The following CACNB2 variants were observed in gnomAD, a reference collection of about 807,000 sequenced individuals.
CACNB2 encodes voltage-dependent L-type calcium channel subunit beta-2.
Under a neutral mutation model 73.3 loss-of-function variants are expected in CACNB2, and 42 were observed. The observed-to-expected ratio is 0.57, with a 90% CI of 0.45 to 0.74. CACNB2 has a LOEUF of 0.74. Among genes scored for constraint, CACNB2 ranks in the 30% least tolerant of loss-of-function variants. CACNB2 has a pLI of 0.00. For synonymous variants in CACNB2, 348 were observed against 310.3 expected (o/e 1.12, Z -1.28); for missense variants, 940 against 853.0 (o/e 1.10, Z -1.27).
intron 1 of CACNB2, among the ~76,000 whole-genome samples, chr10:18,145,199 C>T (rs1001634155): frequency 6.6e-6 from 1 of 152,226 alleles, no homozygotes; most frequent in Non-Finnish European, 1.5e-5. Context: ...TGGCAACATC[C>T]TGAATGGCTG....
Position 18,536,183 on chromosome 10 carries a change from C to A in CACNB2, c.1289C>A (p.Ala430Asp). ...NVQMVAADKLAQCPPELFDVI... is the reference protein window; with the variant it reads ...NVQMVAADKLDQCPPELFDVI... Reference sequence around the variant, plus strand: ...CAGATGGTAGCAGCTGATAAACTGGCTCAGTGTCCTCCAGTAAGTTATCTC... The same window carrying A: ...CAGATGGTAGCAGCTGATAAACTGGATCAGTGTCCTCCAGTAAGTTATCTC... Residue 430 changes from alanine (A) to aspartate (D), a missense_variant, in exon 12 of 14, where the codon GCT (alanine) becomes GAT (aspartate). Transcript: ENST00000324631. 6.3e-7 allele frequency: 1 copy of A among 1,578,116 alleles called. No homozygotes were observed. Among genetic ancestry groups the A allele is most frequent in the African/African-American group, 1.4e-5 (1 of 72,698 alleles).
At chr10:18,186,956 A>G (rs968264650) in intron 2 of CACNB2, among the ~76,000 whole-genome samples, 2 of 152,204 alleles carry the variant, frequency 1.3e-5, no homozygotes, top group Non-Finnish European at 2.9e-5. Context: ...ATCTGCTTCC[A>G]TGGAGCTTAT....
At chr10:18,341,107 C>T in intron 2 of CACNB2, 1 of 951,446 alleles carries the variant, frequency 1.1e-6, no homozygotes, top group South Asian at 1.3e-5. Flanking sequence ...TCTTATCTTG[C>T]CAGAAATGTT....
intron 9 of CACNB2, among the ~76,000 whole-genome samples, chr10:18,522,564 A>G (rs1359505875): frequency 2.0e-5 from 3 of 152,152 alleles, no homozygotes; most frequent in Admixed American, 6.5e-5. Flanking sequence ...AAAGTTTTAT[A>G]GGAGGACAAG....
At chr10:18,211,553 TA>T (rs2035317093) in intron 2 of CACNB2, among the ~76,000 whole-genome samples, 1 of 152,238 alleles carries the variant, frequency 6.6e-6, no homozygotes, top group South Asian at 2.1e-4. Context: ...TTAAATTTCT[TA>T]AACCAGTTCT....
chr10:18,389,246 C>T (rs1234369224), intron 2 of CACNB2, among the ~76,000 whole-genome samples: 1 of 152,310 alleles, frequency 6.6e-6, no homozygotes, highest in African/African-American at 2.4e-5. Context: ...AGGCAGTCCT[C>T]CTGCCTCAGC....
At chr10:18,355,140 T>C (rs541477316) in intron 2 of CACNB2, among the ~76,000 whole-genome samples, 1 of 152,272 alleles carries the variant, frequency 6.6e-6, no homozygotes, top group South Asian at 2.1e-4. Context: ...GAAATCCAAA[T>C]AAAATTTGAA....
intron 2 of CACNB2, among the ~76,000 whole-genome samples, chr10:18,179,529 T>A (rs1005987073): frequency 6.6e-6 from 1 of 152,338 alleles, no homozygotes; most frequent in East Asian, 1.9e-4. Context: ...GAAAGTGCTA[T>A]AGTAATACAT....
chr10:18,266,240 C>G (rs1005048777), intron 2 of CACNB2, among the ~76,000 whole-genome samples: 2 of 152,124 alleles, frequency 1.3e-5, no homozygotes, highest in African/African-American at 4.8e-5. Context: ...GAGAAAATTT[C>G]AAACCAGGGA....
chr10:18,537,783 A>C (rs1465481398), intron 12 of CACNB2, among the ~76,000 whole-genome samples: 2 of 152,166 alleles, frequency 1.3e-5, no homozygotes, highest in Non-Finnish European at 2.9e-5. Context: ...TCTCAAAAAA[A>C]GAAAAAGAAA....
intron 2 of CACNB2, among the ~76,000 whole-genome samples, chr10:18,355,818 A>T (rs2041885908): frequency 6.6e-6 from 1 of 151,456 alleles, no homozygotes; most frequent in African/African-American, 2.4e-5. Flanking sequence ...TTGTATTTTT[A>T]GTGGAGACAG....
intron 2 of CACNB2, among the ~76,000 whole-genome samples, chr10:18,383,211 G>A (rs1164595397): frequency 2.0e-5 from 3 of 152,228 alleles, no homozygotes; most frequent in African/African-American, 7.2e-5. Flanking sequence ...GGTACAGGAT[G>A]TGTTTAAAGG....
At chr10:18,495,008 G>A (rs1589539285) in intron 3 of CACNB2, among the ~76,000 whole-genome samples, 1 of 152,216 alleles carries the variant, frequency 6.6e-6, no homozygotes, top group East Asian at 1.9e-4. Context: ...AAACAGTGTG[G>A]CCCATTTGGA....
intron 3 of CACNB2, among the ~76,000 whole-genome samples, chr10:18,413,819 T>A (rs1419166207): frequency 6.6e-6 from 1 of 152,180 alleles, no homozygotes; most frequent in East Asian, 1.9e-4. Context: ...TTGAATAAGC[T>A]GTTACGTATA....
At chr10:18,429,682 C>A (rs11817136) in intron 3 of CACNB2, among the ~76,000 whole-genome samples, 71,997 of 91,742 alleles carry the variant, frequency 0.78, 27,062 homozygotes, top group African/African-American at 0.89. Context: ...AAAAAAAAAA[C>A]CAAATTAACC....
At chr10:18,224,257 T>G (rs978674600) in intron 2 of CACNB2, 4 of 152,042 alleles carry the variant, frequency 2.6e-5, no homozygotes, top group African/African-American at 9.7e-5. Flanking sequence ...TAACTCCTTT[T>G]TATCAGGCTT....
intron 2 of CACNB2, among the ~76,000 whole-genome samples, chr10:18,384,791 A>C (rs1285663833): frequency 6.6e-6 from 1 of 150,614 alleles, no homozygotes; most frequent in Non-Finnish European, 1.5e-5. Flanking sequence ...AAGTAATATG[A>C]ACATGGTAAA....
At chr10:18,416,523 T>C (rs971489254) in intron 3 of CACNB2, among the ~76,000 whole-genome samples, 2 of 152,174 alleles carry the variant, frequency 1.3e-5, no homozygotes, top group African/African-American at 2.4e-5. Context: ...TTCAAAGGAT[T>C]CTCCTGCCTC....
chr10:18,461,639 G>C (rs1273180255), intron 3 of CACNB2, among the ~76,000 whole-genome samples: 1 of 151,810 alleles, frequency 6.6e-6, no homozygotes, highest in East Asian at 1.9e-4. Context: ...TCTCAACCTA[G>C]ATCCCTCCCA....
Sources: allele counts gnomAD v4.1 joint callset (sites outside exome capture counted in the v4.1 genomes callset), GRCh38; gene constraint gnomAD v4.1.1; transcripts MANE v1.5; gene names NCBI Gene and HGNC (gene_info 2026-07-23, HGNC 2026-07-21).